ARHGAP30: variants seen among roughly 807,000 people sequenced by gnomAD.
ARHGAP30 encodes the protein rho GTPase-activating protein 30.
Under a neutral mutation model 72.0 loss-of-function variants are expected in ARHGAP30, and 23 were observed. The observed-to-expected ratio is 0.32, with a 90% confidence interval of 0.23 to 0.45. ARHGAP30 has a LOEUF of 0.45. Among genes scored for constraint, ARHGAP30 ranks in the 20% least tolerant of loss-of-function variants. ARHGAP30 has a pLI of 1.00. For synonymous variants in ARHGAP30, 576 were observed against 528.2 expected (o/e 1.09, Z -1.24); for missense variants, 1,319 against 1,383.4 (o/e 0.95, Z 0.74).
intron 5 of ARHGAP30, 95 bp from the exon 6 acceptor site, chr1:161,053,480 CT>C: frequency 8.7e-7 from 1 of 1,149,294 alleles, no homozygotes. Context: ...CTCTCTCTCT[CT>C]CTCTCTCTCT....
At position 161,054,710 on chromosome 1, in the gene ARHGAP30, T is replaced by A; in HGVS notation, c.346-5A>T. ...CAATTGCACTCCTACAGCCTCCTGA[T>A]TGAGAAGAGTGCAAGAAGCAGGAAT... On this transcript the variant is annotated splice_polypyrimidine_tract_variant and splice_region_variant and intron_variant, in intron 3 of 11. Transcript: ENST00000368013. 1 of 1,613,648 alleles carries A rather than the reference T, an allele frequency of 6.2e-7. No individual in the cohort carries two copies. Among genetic ancestry groups the A allele is most frequent in the Admixed American group, 1.7e-5 (1 of 60,004 alleles).
rs1429961121 is a variant in ARHGAP30, at chr1:161,049,139, T to G, written c.1882A>C (p.Lys628Gln). The G allele has an allele frequency of 6.2e-7, 1 of 1,614,096 alleles. No homozygotes were observed. Among genetic ancestry groups the G allele is most frequent in the South Asian group, 1.1e-5 (1 of 91,076 alleles). ...PLLGPKPPIW[K>Q]GSGSLEGEAA... ...TCTCCCTCCAGACTCCCTGAACCCT[T>G]CCAGATTGGGGGTTTAGGTCCCAGA... The change falls in exon 12 of 12, where the codon AAG (lysine) becomes CAG (glutamine). Residue 628 changes from lysine to glutamine, a missense_variant. By Grantham distance (53) the Lys-to-Gln change is moderately conservative. Coordinates refer to ENST00000368013, the MANE Select transcript of ARHGAP30 (RefSeq NM_001025598.2).
In ARHGAP30 at chr1:161,048,878, C is replaced by T. The variant is rs1382612252; in HGVS notation, c.2143G>A (p.Ala715Thr). 2.5e-6 allele frequency: 4 copies of T among 1,614,000 alleles called. No homozygotes were observed. In the Admixed American group the frequency reaches 6.7e-5, roughly 27 times the overall value. Residue 715 changes from alanine (A) to threonine (T), a missense_variant, in exon 12 of 12, where the codon GCC (alanine) becomes ACC (threonine). Coordinates refer to ENST00000368013, the MANE Select transcript of ARHGAP30 (RefSeq NM_001025598.2). ...TGACCTTTGGACTTCTCTTCCTTGG[C>T]CTCTGTCTCTTCCCTACTCCCTTCT... is the stretch of plus-strand genomic sequence containing the variant. Reference protein sequence around the residue: ...LREGSREETEAKEEKSKGQKK... With the variant: ...LREGSREETETKEEKSKGQKK...
chr1:161,052,982 C>T (rs961392168), intron 6 of ARHGAP30, 185 bp from the exon 7 acceptor site: 36 of 926,688 alleles, frequency 3.9e-5, no homozygotes, highest in South Asian at 1.8e-4. Flanking sequence ...CTGGGAGATC[C>T]GAGAACGTTG....
At position 161,048,908 on chromosome 1, in the gene ARHGAP30, A is replaced by C. The variant is rs749965079; in HGVS notation, c.2113T>G (p.Leu705Val). The change falls in exon 12 of 12, where the codon TTG becomes GTG. Residue 705 changes from leucine (L) to valine (V), a missense_variant. Physicochemically the swap from Leu to Val is conservative, Grantham distance 32 (BLOSUM62 1). Transcript: ENST00000368013. ...GTCTCTTCCCTACTCCCTTCTCTCA[A>C]TCTGACTTTTGTCTCTTGGCTTCCC... ...AGGSQETKVR[L>V]REGSREETEA... 2.7e-5 allele frequency: 44 copies of C among 1,613,068 alleles called. No homozygotes were observed. Among genetic ancestry groups the C allele is most frequent in the Non-Finnish European group, 3.5e-5 (41 of 1,179,804 alleles).
chr1:161,059,638 A>C lies in ARHGAP30; in HGVS notation c.176T>G (p.Val59Gly). ...CCGAAGCTTCTGGATGTTGGAGGAG[A>C]CCCCTGAGAGGCGGTAGATCCCATC... Reference protein sequence around the residue: ...VVDGIYRLSGVSSNIQKLRQE... With the variant: ...VVDGIYRLSGGSSNIQKLRQE... Residue 59 changes from valine (V) to glycine (G), a missense_variant, in exon 2 of 12, where the codon GTC (valine) becomes GGC (glycine). Physicochemically the swap from Val to Gly is moderately radical, Grantham distance 109. Around this residue, in one of 2 missense-constraint regions of ARHGAP30, gnomAD observed 222 missense variants for 338.2 expected, o/e 0.66. Coordinates refer to ENST00000368013, the MANE Select transcript of ARHGAP30 (RefSeq NM_001025598.2). The C allele has an allele frequency of 6.2e-7, 1 of 1,612,490 alleles. No homozygotes were observed.
At chr1:161,049,763 T>C (rs903601800) in intron 10 of ARHGAP30, 74 bp from the exon 11 acceptor site, 2 of 1,539,550 alleles carry the variant, frequency 1.3e-6, no homozygotes, top group Admixed American at 1.9e-5. Flanking sequence ...CCTCCTAGCA[T>C]TGATATAGCA....
chr1:161,064,831 G>GAAAGAGAA (rs1231950263), intron 1 of ARHGAP30, among the ~76,000 whole-genome samples: 12 of 73,890 alleles, frequency 1.6e-4, no homozygotes, highest in East Asian at 1.1e-3. Context: ...AAGAAAGAAA[G>GAAAGAGAA]AGAAAGAAAG....
At position 161,064,779 on chromosome 1, in the gene ARHGAP30, AAAAGAAAG is replaced by A. The variant is rs201614477; in HGVS notation, c.97+4741_97+4748del. On this transcript the variant is annotated intron_variant, in intron 1 of 11. Transcript: ENST00000368013. ...AGAAAGAGAAAGAAAGAAAGAAAGA[AAAAGAAAG>A]AAAGAAAGAAAGAAAGAAAGAAAGA... 3.6e-3 allele frequency among the ~76,000 whole-genome samples: 351 copies of A among 98,128 alleles called. 2 individuals are homozygous for A. Among genetic ancestry groups the A allele is most frequent in the Admixed American group, 0.013 (114 of 8,746 alleles). 64.4% of individuals were successfully genotyped at this position (98,128 alleles called of 152,430 possible). A position where few individuals can be genotyped will look rare whatever the true frequency, so the allele number is the denominator to read the frequency against.
At chr1:161,058,676 CAT>C (rs1316402464) in intron 2 of ARHGAP30, among the ~76,000 whole-genome samples, 8 of 140,748 alleles carry the variant, frequency 5.7e-5, no homozygotes, top group Admixed American at 4.4e-4. Context: ...GCCTGGCCGA[CAT>C]AGTGAAACCC....
At position 161,047,968 on chromosome 1, in the gene ARHGAP30, G is replaced by A. The variant is rs1650993080; in HGVS notation, c.3053C>T (p.Thr1018Ile). 2 of 1,614,130 alleles carry A rather than the reference G, an allele frequency of 1.2e-6. No individual in the cohort carries two copies. Among genetic ancestry groups the A allele is most frequent in the Admixed American group, 1.7e-5 (1 of 60,006 alleles). Residue 1018 changes from threonine to isoleucine, a missense_variant, in exon 12 of 12, where the codon ACC becomes ATC. Around this residue, in one of 2 missense-constraint regions of ARHGAP30, gnomAD observed 1,097 missense variants for 1,045.2 expected, o/e 1.05. Transcript: ENST00000368013. ...ATCCCCACCCTCAGTACAGGTCTGG[G>A]TTCGCCGAACTCCTTGAGCCTCAGT... is the stretch of plus-strand genomic sequence containing the variant. ...QRTEAQGVRR[T>I]QTCTEGGDYC...
rs879230218 is a variant in ARHGAP30 at position 161,053,165 on chromosome 1, G to A, written c.664+93C>T. The A allele has an allele frequency of 1.5e-5, 23 of 1,550,342 alleles. 1 individual carries two copies. In the South Asian group the frequency reaches 2.8e-4, roughly 19 times the overall value. On this transcript the variant is annotated intron_variant, in intron 6 of 11. Transcript: ENST00000368013. The stretch of plus-strand genomic sequence containing the variant: ...GTGGCCACTACCAACATCCCTGTAT[G>A]AGACTCAGCTGAAGTAGGTGATCTT...
At chr1:161,052,153 GT>G in intron 9 of ARHGAP30, 132 bp downstream of exon 9, 1 of 915,270 alleles carries the variant, frequency 1.1e-6, no homozygotes, top group Non-Finnish European at 1.7e-6. Flanking sequence ...CATTTACAAT[GT>G]GGCTGGTATA....
rs201614477 is a variant in ARHGAP30 at position 161,064,779 on chromosome 1, AAAAGAAAGAAAGAAAG to A, written c.97+4733_97+4748del. Among the ~76,000 whole-genome samples the A allele has an allele frequency of 2.2e-4, 22 of 98,152 alleles. 1 individual carries two copies. The highest frequency in any genetic ancestry group is 2.1e-3 in the South Asian group (6 of 2,916). 64.4% of individuals were successfully genotyped at this position (98,152 alleles called of 152,430 possible). ...AGAAAGAGAAAGAAAGAAAGAAAGA[AAAAGAAAGAAAGAAAG>A]AAAGAAAGAAAGAAAGAAAGAAAGA... On this transcript the variant is annotated intron_variant, in intron 1 of 11. Coordinates refer to ENST00000368013, the MANE Select transcript of ARHGAP30 (RefSeq NM_001025598.2).
intron 3 of ARHGAP30, 49 bp downstream of exon 3, chr1:161,056,339 G>T: frequency 1.3e-6 from 2 of 1,592,298 alleles, no homozygotes; most frequent in South Asian, 2.3e-5. Flanking sequence ...TCAAAACCAG[G>T]CTGTCCACCC....
chr1:161,063,621 A>G (rs1652479357), intron 1 of ARHGAP30, among the ~76,000 whole-genome samples: 1 of 152,278 alleles, frequency 6.6e-6, no homozygotes, highest in Non-Finnish European at 1.5e-5. Context: ...GAACAGGATA[A>G]CATCAATTGT....
chr1:161,059,123 G>A (rs560626360), intron 2 of ARHGAP30, among the ~76,000 whole-genome samples: 11 of 151,936 alleles, frequency 7.2e-5, no homozygotes, highest in African/African-American at 2.4e-4. Flanking sequence ...CTGCCTCCTG[G>A]GTTGGAGCAA....
Position 161,049,167 on chromosome 1 carries a change from G to A in ARHGAP30, c.1854C>T (p.Pro618=), listed in dbSNP as rs1213108850. The A allele has an allele frequency of 3.1e-6, 5 of 1,614,126 alleles. No homozygotes were observed. Among genetic ancestry groups the A allele is most frequent in the Non-Finnish European group, 4.2e-6 (5 of 1,180,012 alleles). Residue 618 remains proline, a synonymous_variant, in exon 12 of 12, where the codon CCC becomes CCT. Transcript: ENST00000368013. The part of the protein sequence containing the change: ...VFLSAYDDLS[P]LLGPKPPIWK... Reference sequence around the variant, plus strand: ...AGATTGGGGGTTTAGGTCCCAGAAGGGGACTTAGGTCATCATAGGCACTCA... The same window carrying A: ...AGATTGGGGGTTTAGGTCCCAGAAGAGGACTTAGGTCATCATAGGCACTCA...
At chr1:161,053,412 C>T in intron 5 of ARHGAP30, 27 bp from the exon 6 acceptor site, 2 of 1,604,402 alleles carry the variant, frequency 1.2e-6, no homozygotes, top group Non-Finnish European at 8.5e-7. Flanking sequence ...TTATTCTCCC[C>T]CTCAGCCCCA....
Sources: allele counts gnomAD v4.1 joint callset (sites outside exome capture counted in the v4.1 genomes callset), GRCh38; gene constraint gnomAD v4.1.1; regional missense constraint gnomAD v4.1.1; transcripts MANE v1.5; gene names NCBI Gene and HGNC (gene_info 2026-07-23, HGNC 2026-07-21).